Variants in DNAJC19 observed in about 807,000 individuals in gnomAD.
The protein encoded by DNAJC19 is mitochondrial import inner membrane translocase subunit TIM14.
Under a neutral mutation model 19.8 loss-of-function variants are expected in DNAJC19, and 15 were observed. That is an observed-to-expected ratio of 0.76 (90% confidence interval 0.51 to 1.17). The LOEUF (loss-of-function observed/expected upper bound fraction) is 1.17. Ranked by LOEUF, DNAJC19 falls within the 50% of genes most tolerant of loss-of-function variation. DNAJC19 has a pLI of 0.00. For missense variants in DNAJC19, 105 were observed against 140.9 expected, an observed-to-expected ratio of 0.75 and a Z score of 1.29; for synonymous variants, 38 against 42.1, an observed-to-expected ratio of 0.90 and a Z score of 0.38.
At chr3:180,985,338 A>G (rs1393066537) in intron 5 of DNAJC19, 2 of 154,440 alleles carry the variant, frequency 1.3e-5, no homozygotes, top group Non-Finnish European at 2.9e-5. Context: ...CTGAGTCAGA[A>G]GCCCTCCATA....
chr3:180,986,702 C>T (rs949465770), intron 4 of DNAJC19: 3 of 508,358 alleles, frequency 5.9e-6, no homozygotes, highest in Non-Finnish European at 1.0e-5. Context: ...TTAGTAAACA[C>T]TCTAGGAAAA....
At position 180,984,716 on chromosome 3, in the gene DNAJC19, G is replaced by C. The variant is rs753224190; in HGVS notation, c.281-6C>G. On this transcript the variant is annotated splice_polypyrimidine_tract_variant and splice_region_variant and intron_variant, in intron 5 of 5. Coordinates refer to ENST00000382564, the MANE Select transcript of DNAJC19 (RefSeq NM_145261.4). ...TGCTATATAAGGAGATCCTCCTATA[G>C]GAAGAAAGAAAAAAGAACAGTTACA... 6.3e-7 allele frequency: 1 copy of C among 1,595,112 alleles called. No individual in the cohort carries two copies. The highest frequency in any genetic ancestry group is 1.1e-5 in the South Asian group (1 of 88,764).
Position 180,985,914 on chromosome 3 carries a change from A to G in DNAJC19, c.280+12T>C. On this transcript the variant is annotated intron_variant, in intron 5 of 5. Coordinates refer to ENST00000382564, the MANE Select transcript of DNAJC19 (RefSeq NM_145261.4). ...CACCAACAACATCAACGAGAATTTA[A>G]TGACTACTTACCTTTGTCAGGATGA... is the stretch of plus-strand genomic sequence containing the variant. The G allele has an allele frequency of 1.9e-6, 3 of 1,610,570 alleles. No individual in the cohort carries two copies. Among genetic ancestry groups the G allele is most frequent in the Non-Finnish European group, 2.5e-6 (3 of 1,177,054 alleles).
Position 180,984,096 on chromosome 3 carries a change from T to TACAC in DNAJC19, c.*540_*543dup, listed in dbSNP as rs148074891. 211 of 446,576 alleles carry TACAC rather than the reference T, an allele frequency of 4.7e-4. No individual in the cohort carries two copies. Among genetic ancestry groups the TACAC allele is most frequent in the African/African-American group, 3.7e-3 (186 of 49,682 alleles). 27.7% of individuals were successfully genotyped at this position (446,576 alleles called of 1,614,324 possible). ...AAAAATGGTTTATATGTACATAGAA[T>TACAC]ACACACACACACACACCCCTAGGTC... On this transcript the variant is annotated 3_prime_UTR_variant, in exon 6 of 6. Transcript: ENST00000382564.
chr3:180,985,102 C>G (rs954074186), intron 5 of DNAJC19, among the ~76,000 whole-genome samples: 20 of 152,038 alleles, frequency 1.3e-4, no homozygotes, highest in Admixed American at 5.9e-4. Flanking sequence ...ATGATATTCT[C>G]AGAGGCTTCT....
intron 3 of DNAJC19, 95 bp from the exon 4 acceptor site, chr3:180,987,117 AGAC>A: frequency 8.9e-7 from 1 of 1,120,942 alleles, no homozygotes; most frequent in South Asian, 1.3e-5. Flanking sequence ...AGAAAAACTA[AGAC>A]ATTTCAGAGG....
chr3:180,987,119 A>G, intron 3 of DNAJC19, 97 bp from the exon 4 acceptor site: 1 of 1,118,580 alleles, frequency 8.9e-7, no homozygotes, highest in Non-Finnish European at 1.4e-6. Flanking sequence ...AAAAACTAAG[A>G]CATTTCAGAG....
In DNAJC19 at chr3:180,984,315, A is replaced by T. The variant is rs886058202; in HGVS notation, c.*325T>A. 7 of 461,552 alleles carry T rather than the reference A, an allele frequency of 1.5e-5. No individual in the cohort carries two copies. The highest frequency in any genetic ancestry group is 6.8e-4 in the Middle Eastern group (1 of 1,476). The allele number at this position is 461,552 out of a possible 1,614,324, so 28.6% of individuals were successfully genotyped here. A position where few individuals can be genotyped will look rare whatever the true frequency, so the allele number is the denominator to read the frequency against. On this transcript the variant is annotated 3_prime_UTR_variant, in exon 6 of 6. Coordinates refer to ENST00000382564, the MANE Select transcript of DNAJC19 (RefSeq NM_145261.4). ...ATTACCAGTTTATCAGTCTCCCATT[A>T]AAGTGGGGGCTCCCTGAGAGCAAGG...
intron 1 of DNAJC19, chr3:180,989,277 G>A: frequency 1.5e-6 from 2 of 1,330,636 alleles, no homozygotes; most frequent in East Asian, 3.1e-5. Context: ...TAGGGCAAGG[G>A]CACTTATAAT....
chr3:180,985,565 A>G, intron 5 of DNAJC19: 1 of 245,338 alleles, frequency 4.1e-6, no homozygotes, highest in East Asian at 9.7e-5. Flanking sequence ...GAAGTCTATC[A>G]CAAACGAATA....
At chr3:180,986,840 T>C in intron 4 of DNAJC19, 103 bp downstream of exon 4, 1 of 950,512 alleles carries the variant, frequency 1.1e-6, no homozygotes, top group Non-Finnish European at 1.7e-6. Context: ...TAGGACAAAA[T>C]CCCCCATGAC....
At position 180,985,951 on chromosome 3, in the gene DNAJC19, A is replaced by G. The variant is rs376954548; in HGVS notation, c.255T>C (p.Ile85=). The change falls in exon 5 of 6, where the codon ATT becomes ATC. Residue 85 remains isoleucine (I), a synonymous_variant. Transcript: ENST00000382564. Reference sequence around the variant, plus strand: ...CTTTGTCAGGATGATTTAAAAGCATAATTCGTCGATGAGCATCTCTTATTT... The same window carrying G: ...CTTTGTCAGGATGATTTAAAAGCATGATTCGTCGATGAGCATCTCTTATTT... The part of the protein sequence containing the change: ...KGKIRDAHRR[I]MLLNHPDKGG... 3 of 1,613,592 alleles carry G rather than the reference A, an allele frequency of 1.9e-6. No individual in the cohort carries two copies. The African/African-American group carries it at 4.0e-5, about 22-fold the overall frequency.
rs962255002 is a variant in DNAJC19 at position 180,988,342 on chromosome 3, C to CTT, written c.4-115_4-114dup. 2.0e-5 allele frequency: 18 copies of CTT among 900,182 alleles called. No homozygotes were observed. The African/African-American group carries it at 2.2e-4, about 11-fold the overall frequency. The allele number at this position is 900,182 out of a possible 1,614,324, so 55.8% of individuals were successfully genotyped here. A position where few individuals can be genotyped will look rare whatever the true frequency, so the allele number is the denominator to read the frequency against. On this transcript the variant is annotated intron_variant, in intron 1 of 5. Transcript: ENST00000382564. ...AACTGCATTTTAATAGGAGAAACAA[C>CTT]TTTTTTTTTTCTTTTTTTTTTTTTT...
At position 180,984,199 on chromosome 3, in the gene DNAJC19, C is replaced by T. The variant is rs1805635; in HGVS notation, c.*441G>A. ...AGTATCCAAGTTGCCAGGCCAGTTGCCTGTACCTGGAACAGCCTTTCCACC... is the reference window on the plus strand; with the variant it reads ...AGTATCCAAGTTGCCAGGCCAGTTGTCTGTACCTGGAACAGCCTTTCCACC... On this transcript the variant is annotated 3_prime_UTR_variant, in exon 6 of 6. Transcript: ENST00000382564. 1,567 of 454,062 alleles carry T rather than the reference C, an allele frequency of 3.5e-3. 30 individuals are homozygous for T. The highest frequency in any genetic ancestry group is 0.029 in the African/African-American group (1,430 of 50,088). The allele number at this position is 454,062 out of a possible 1,614,324, so 28.1% of individuals were successfully genotyped here.
Position 180,983,977 on chromosome 3 carries a change from T to C in DNAJC19, c.*663A>G. On this transcript the variant is annotated 3_prime_UTR_variant, in exon 6 of 6. Transcript: ENST00000382564. ...CTTTGGGAGGCTGAGGCGGGAGGAC[T>C]GCTTAAACCCAGGAGGTTGAGGCTG... The C allele has an allele frequency of 2.2e-6, 1 of 453,870 alleles. No individual in the cohort carries two copies. The highest frequency in any genetic ancestry group is 1.6e-5 in the South Asian group (1 of 64,458). The allele number at this position is 453,870 out of a possible 1,614,324, so 28.1% of individuals were successfully genotyped here. A position where few individuals can be genotyped will look rare whatever the true frequency, so the allele number is the denominator to read the frequency against.
intron 3 of DNAJC19, 166 bp downstream of exon 3, chr3:180,987,857 G>A: frequency 1.3e-6 from 1 of 786,500 alleles, no homozygotes; most frequent in Admixed American, 2.2e-5. Context: ...GATGTTTCAG[G>A]GTAGCACCAT....
intron 4 of DNAJC19, among the ~76,000 whole-genome samples, chr3:180,986,289 T>G (rs1166181814): frequency 1.3e-5 from 2 of 150,176 alleles, no homozygotes; most frequent in South Asian, 2.1e-4. Flanking sequence ...GAGTTTTGTT[T>G]TTTTTTTTTT....
chr3:180,989,434 C>G (rs1394037206), intron 1 of DNAJC19, 166 bp downstream of exon 1: 1 of 1,468,080 alleles, frequency 6.8e-7, no homozygotes. Context: ...CCCAAGAGAG[C>G]GAGCCAACAG....
In DNAJC19 at chr3:180,989,610, G is replaced by T; in HGVS notation, c.-8C>A. The T allele has an allele frequency of 6.3e-7, 1 of 1,587,522 alleles. No individual in the cohort carries two copies. The highest frequency in any genetic ancestry group is 1.2e-5 in the South Asian group (1 of 86,736). On this transcript the variant is annotated 5_prime_UTR_variant, in exon 1 of 6. Coordinates refer to ENST00000382564, the MANE Select transcript of DNAJC19 (RefSeq NM_145261.4). Reference sequence around the variant, plus strand: ...GAAGGCCGCACTCACCATGGCTCCGGCTGGGCTCCCTTGCTTCCACCGGGA... The same window carrying T: ...GAAGGCCGCACTCACCATGGCTCCGTCTGGGCTCCCTTGCTTCCACCGGGA...
Sources: allele counts gnomAD v4.1 joint callset (sites outside exome capture counted in the v4.1 genomes callset), GRCh38; gene constraint gnomAD v4.1.1; transcripts MANE v1.5; gene names NCBI Gene and HGNC (gene_info 2026-07-23, HGNC 2026-07-21).